The following XRRA1 variants were observed in gnomAD, a reference collection of about 807,000 sequenced individuals.
The protein encoded by XRRA1 is X-ray radiation resistance-associated protein 1.
Under a neutral mutation model 80.2 loss-of-function variants are expected in XRRA1, and 69 were observed. That is an observed-to-expected ratio of 0.86 (90% confidence interval 0.71 to 1.05). The LOEUF is 1.05. Ranked by LOEUF, XRRA1 falls within the 50% of genes least tolerant of loss-of-function variation. XRRA1 has a pLI of 0.00. For synonymous variants in XRRA1, 348 were observed against 389.9 expected, an observed-to-expected ratio of 0.89 and a Z score of 1.27; for missense variants, 967 against 976.4, an observed-to-expected ratio of 0.99 and a Z score of 0.13.
At position 74,906,255 on chromosome 11, in the gene XRRA1, C is replaced by CT. The variant is rs774769539; in HGVS notation, c.986dup (p.Asp330GlyfsTer3). 5.6e-6 allele frequency: 9 copies of CT among 1,613,624 alleles called. No homozygotes were observed. The Admixed American group carries it at 1.5e-4, about 27-fold the overall frequency. On this transcript the variant is annotated frameshift_variant, in exon 10 of 19. Coordinates refer to ENST00000684022, the MANE Select transcript of XRRA1 (RefSeq NM_001378157.1). LOFTEE classifies it high-confidence loss of function. Reference sequence around the variant, plus strand: ...GTCACTCACCTGTCCGGTCAACATCCTTTTTCATGGGCAGTACAGTATAAT... The same window carrying CT: ...GTCACTCACCTGTCCGGTCAACATCCTTTTTTCATGGGCAGTACAGTATAAT...
chr11:74,886,158 A>T (rs118190936), intron 10 of XRRA1, among the ~76,000 whole-genome samples: 1 of 152,172 alleles, frequency 6.6e-6, no homozygotes, highest in Non-Finnish European at 1.5e-5. Context: ...GGAACAAGAC[A>T]GGATGCCCAC....
intron 10 of XRRA1, among the ~76,000 whole-genome samples, chr11:74,875,824 T>C (rs2045919060): frequency 6.6e-6 from 1 of 152,086 alleles, no homozygotes; most frequent in African/African-American, 2.4e-5. Context: ...TGAGCTGAGA[T>C]CACACCACTA....
chr11:74,874,747 A>G (rs190580691), intron 10 of XRRA1, among the ~76,000 whole-genome samples: 1 of 152,320 alleles, frequency 6.6e-6, no homozygotes, highest in East Asian at 1.9e-4. Flanking sequence ...TTCCTCCCCA[A>G]GGAAACTGAG....
intron 12 of XRRA1, among the ~76,000 whole-genome samples, chr11:74,854,727 T>C (rs1862981640): frequency 6.6e-6 from 1 of 152,170 alleles, no homozygotes; most frequent in African/African-American, 2.4e-5. Flanking sequence ...AGTAGAATAC[T>C]ACCTTTCTCT....
intron 10 of XRRA1, among the ~76,000 whole-genome samples, chr11:74,879,907 G>A (rs920463009): frequency 6.6e-6 from 1 of 151,992 alleles, no homozygotes; most frequent in Non-Finnish European, 1.5e-5. Context: ...GTTCATCAAA[G>A]ATATGGGTCT....
intron 10 of XRRA1, among the ~76,000 whole-genome samples, chr11:74,866,794 CAG>C (rs1047244694): frequency 7.3e-5 from 11 of 150,460 alleles, no homozygotes; most frequent in African/African-American, 2.5e-4. Context: ...AATATACAGT[CAG>C]AGGAGAAAAA....
At chr11:74,883,144 T>C (rs1590974474) in intron 10 of XRRA1, among the ~76,000 whole-genome samples, 1 of 152,314 alleles carries the variant, frequency 6.6e-6, no homozygotes. Flanking sequence ...CTCAGACTGC[T>C]GTGCTAGCAA....
At chr11:74,855,700 T>C (rs1381951007) in intron 12 of XRRA1, among the ~76,000 whole-genome samples, 1 of 152,238 alleles carries the variant, frequency 6.6e-6, no homozygotes, top group Non-Finnish European at 1.5e-5. Context: ...CAACAATTTC[T>C]AGTGAATATT....
intron 10 of XRRA1, among the ~76,000 whole-genome samples, chr11:74,881,563 G>A (rs2047595583): frequency 6.6e-6 from 1 of 151,580 alleles, no homozygotes; most frequent in Non-Finnish European, 1.5e-5. Flanking sequence ...TAGTCTCGAT[G>A]GTCTTTACAT....
At chr11:74,867,576 TAA>T (rs1433876477) in intron 10 of XRRA1, among the ~76,000 whole-genome samples, 5 of 152,194 alleles carry the variant, frequency 3.3e-5, no homozygotes, top group Non-Finnish European at 5.9e-5. Context: ...TGGGATTATG[TAA>T]AGAGACCAAA....
At chr11:74,861,322 T>C (rs570086872) in intron 11 of XRRA1, among the ~76,000 whole-genome samples, 21 of 152,324 alleles carry the variant, frequency 1.4e-4, no homozygotes, top group South Asian at 2.1e-4. Flanking sequence ...ATCATCTGTA[T>C]TTACAGCCAC....
At chr11:74,876,150 C>CT (rs1395628924) in intron 10 of XRRA1, 2 of 152,188 alleles carry the variant, frequency 1.3e-5, no homozygotes, top group African/African-American at 4.8e-5. Context: ...TGGCCCCTTG[C>CT]TTAAGACAGC....
At chr11:74,923,557 A>AT (rs1175079929) in intron 7 of XRRA1, among the ~76,000 whole-genome samples, 5 of 152,076 alleles carry the variant, frequency 3.3e-5, no homozygotes, top group African/African-American at 4.8e-5. Flanking sequence ...TCTCTAATCT[A>AT]TTTTTTATAC....
Position 74,843,418 on chromosome 11 carries a change from C to T in XRRA1, c.2185G>A (p.Val729Met), listed in dbSNP as rs1390736421. 6 of 1,612,142 alleles carry T rather than the reference C, an allele frequency of 3.7e-6. No individual in the cohort carries two copies. Among genetic ancestry groups the T allele is most frequent in the Non-Finnish European group, 5.1e-6 (6 of 1,179,178 alleles). The change falls in exon 19 of 19, where the codon GTG (valine) becomes ATG (methionine). Residue 729 changes from valine (V) to methionine (M), a missense_variant. By Grantham distance (21) the Val-to-Met change is conservative (BLOSUM62 1). Transcript: ENST00000684022. ...GCCTCCAGGTACTGCTTGTGGTTCACCAGCCGCCGTTCTGTCCACTGGTGC... is the reference window on the plus strand; with the variant it reads ...GCCTCCAGGTACTGCTTGTGGTTCATCAGCCGCCGTTCTGTCCACTGGTGC... The part of the protein sequence containing the change: ...VLHQWTERRL[V>M]NHKQYLEAKR...
In XRRA1 at chr11:74,859,285, T is replaced by C; in HGVS notation, c.1045-2A>G. The C allele has an allele frequency of 1.9e-6, 3 of 1,602,270 alleles. No individual in the cohort carries two copies. The highest frequency in any genetic ancestry group is 2.3e-5 in the South Asian group (2 of 88,492). ...AGGAAGTGAACATATCTTGGTTGTC[T>C]TAGAAAGAAGGAAAAGTCAAAATCA... On this transcript the variant is annotated splice_acceptor_variant, in intron 11 of 18. Transcript: ENST00000684022. LOFTEE classifies it high-confidence loss of function.
chr11:74,887,133 G>A (rs1457093437), intron 10 of XRRA1, among the ~76,000 whole-genome samples: 1 of 152,146 alleles, frequency 6.6e-6, no homozygotes, highest in Non-Finnish European at 1.5e-5. Context: ...GATAGCCTAG[G>A]AAATACACTT....
At chr11:74,902,896 G>C (rs1321754127) in intron 10 of XRRA1, among the ~76,000 whole-genome samples, 1 of 152,000 alleles carries the variant, frequency 6.6e-6, no homozygotes, top group African/African-American at 2.4e-5. Context: ...TAATTTAATT[G>C]TACATTTAAA....
chr11:74,843,712 C>G (rs2037094370), intron 18 of XRRA1, 142 bp downstream of exon 18: 2 of 859,804 alleles, frequency 2.3e-6, no homozygotes, highest in East Asian at 5.3e-5. Context: ...GCTGGCTCTC[C>G]TTTTGTCCAT....
chr11:74,887,326 C>A (rs867679666), intron 10 of XRRA1, among the ~76,000 whole-genome samples: 1 of 152,104 alleles, frequency 6.6e-6, no homozygotes, highest in Non-Finnish European at 1.5e-5. Context: ...ATGTAACCAA[C>A]AAAGGTCTAC....
Sources: allele counts gnomAD v4.1 joint callset (sites outside exome capture counted in the v4.1 genomes callset), GRCh38; gene constraint gnomAD v4.1.1; transcripts MANE v1.5; gene names NCBI Gene and HGNC (gene_info 2026-07-23, HGNC 2026-07-21).